POGLUT1: variants seen among roughly 807,000 people sequenced by gnomAD.
POGLUT1 encodes 9630046K23Rik.
In POGLUT1, 32 loss-of-function variants were observed where a neutral mutation model predicts 61.3. The observed-to-expected ratio is 0.52, with a 90% CI of 0.39 to 0.70. The LOEUF is 0.70. POGLUT1 is among the 30% of genes least tolerant of loss of function. The pLI is 0.00. For synonymous variants in POGLUT1, 158 were observed against 158.2 expected (o/e 1.00, Z 0.01); for missense variants, 411 against 469.8 (o/e 0.87, Z 1.16).
At chr3:119,485,849 A>C (rs2081658316) in intron 6 of POGLUT1, among the ~76,000 whole-genome samples, 1 of 152,238 alleles carries the variant, frequency 6.6e-6, no homozygotes, top group African/African-American at 2.4e-5. Context: ...AAAATGAAGA[A>C]GGGAGCAGGG....
chr3:119,491,119 A>C (rs532986188), intron 9 of POGLUT1, among the ~76,000 whole-genome samples: 12 of 150,776 alleles, frequency 8.0e-5, no homozygotes, highest in Middle Eastern at 6.9e-3. Context: ...AGTATAGAGA[A>C]GGGCCAGAGT....
At chr3:119,473,467 A>G (rs879442735) in intron 3 of POGLUT1, among the ~76,000 whole-genome samples, 1 of 152,190 alleles carries the variant, frequency 6.6e-6, no homozygotes, top group Admixed American at 6.5e-5. Context: ...ATTAGCAATA[A>G]AATAATATAT....
chr3:119,487,374 G>A (rs2081677780), intron 7 of POGLUT1, among the ~76,000 whole-genome samples: 1 of 152,100 alleles, frequency 6.6e-6, no homozygotes, highest in Non-Finnish European at 1.5e-5. Flanking sequence ...ATCACTTGAG[G>A]TCAGGAGTTC....
intron 5 of POGLUT1, among the ~76,000 whole-genome samples, chr3:119,482,419 G>A (rs1399631001): frequency 6.6e-6 from 1 of 151,952 alleles, no homozygotes; most frequent in East Asian, 1.9e-4. Context: ...TTAAAAGGCA[G>A]GATCTCACTA....
chr3:119,469,293 C>A, intron 1 of POGLUT1, 187 bp downstream of exon 1: 1 of 600,390 alleles, frequency 1.7e-6, no homozygotes, highest in Non-Finnish European at 3.0e-6. Flanking sequence ...TGCTCTGGAC[C>A]CTGGAGAGTA....
At chr3:119,489,959 T>A (rs746702021) in intron 8 of POGLUT1, 1 of 153,760 alleles carries the variant, frequency 6.5e-6, no homozygotes, top group Non-Finnish European at 1.4e-5. Flanking sequence ...TCCCCCACAC[T>A]ACCCATCCAT....
intron 1 of POGLUT1, among the ~76,000 whole-genome samples, chr3:119,469,481 G>T (rs1283758578): frequency 6.6e-6 from 1 of 152,214 alleles, no homozygotes; most frequent in Non-Finnish European, 1.5e-5. Flanking sequence ...GAGAAGAGGG[G>T]TTTAATGTCT....
intron 8 of POGLUT1, 177 bp from the exon 9 acceptor site, chr3:119,490,374 A>C (rs1014886396): frequency 6.6e-6 from 4 of 608,698 alleles, no homozygotes; most frequent in African/African-American, 5.6e-5. Flanking sequence ...TAGCCCTGGT[A>C]AAGTGGCTGA....
At chr3:119,472,558 A>C (rs1157054961) in intron 3 of POGLUT1, among the ~76,000 whole-genome samples, 1 of 152,106 alleles carries the variant, frequency 6.6e-6, no homozygotes, top group Non-Finnish European at 1.5e-5. Flanking sequence ...CTTTACTAAA[A>C]ATACAAAATT....
intron 2 of POGLUT1, among the ~76,000 whole-genome samples, chr3:119,470,570 C>T (rs1015190942): frequency 2.6e-5 from 4 of 152,000 alleles, no homozygotes; most frequent in African/African-American, 9.7e-5. Flanking sequence ...AGTGAGACTC[C>T]GTCTCAAAAA....
chr3:119,479,580 A>G (rs1040340267), intron 4 of POGLUT1, among the ~76,000 whole-genome samples: 5 of 152,182 alleles, frequency 3.3e-5, no homozygotes, highest in Admixed American at 6.5e-5. Context: ...ATCCAAACCC[A>G]TGTGATCCAC....
intron 5 of POGLUT1, among the ~76,000 whole-genome samples, chr3:119,481,475 C>T (rs1467994677): frequency 1.3e-5 from 2 of 152,118 alleles, no homozygotes; most frequent in African/African-American, 4.8e-5. Context: ...ACCTTGTTTC[C>T]ATAAATACCT....
intron 5 of POGLUT1, among the ~76,000 whole-genome samples, chr3:119,484,430 T>C (rs1300222366): frequency 6.6e-6 from 1 of 152,202 alleles, no homozygotes; most frequent in African/African-American, 2.4e-5. Context: ...TTAAGAATGA[T>C]GCATCTGTGA....
At position 119,492,570 on chromosome 3, in the gene POGLUT1, A is replaced by G. The variant is rs9846409; in HGVS notation, c.*132A>G. On this transcript the variant is annotated 3_prime_UTR_variant, in exon 11 of 11. Transcript: ENST00000295588. ...AGCCAAATACCTGGTTTTCCTTATCATGCTGCACCCAGAGCAACTCTTGAG... is the reference window on the plus strand; with the variant it reads ...AGCCAAATACCTGGTTTTCCTTATCGTGCTGCACCCAGAGCAACTCTTGAG... 7.8e-4 allele frequency: 402 copies of G among 515,320 alleles called. 2 individuals are homozygous for G. Among genetic ancestry groups the G allele is most frequent in the African/African-American group, 6.9e-3 (356 of 51,382 alleles). The allele number at this position is 515,320 out of a possible 1,614,324, so 31.9% of individuals were successfully genotyped here.
chr3:119,477,217 C>G, intron 3 of POGLUT1, 96 bp from the exon 4 acceptor site: 1 of 1,207,076 alleles, frequency 8.3e-7, no homozygotes, highest in Admixed American at 1.8e-5. Flanking sequence ...CACTGGAACA[C>G]TGGCTTGTCT....
At chr3:119,488,161 CTT>C (rs951434677) in intron 7 of POGLUT1, 13 of 152,134 alleles carry the variant, frequency 8.5e-5, no homozygotes, top group Admixed American at 3.9e-4. Context: ...GCTTAAGAAA[CTT>C]TGTTGAATAA....
intron 5 of POGLUT1, among the ~76,000 whole-genome samples, chr3:119,484,955 G>A (rs958409801): frequency 3.3e-5 from 5 of 152,150 alleles, no homozygotes; most frequent in South Asian, 2.1e-4. Context: ...AGTGGCTCAC[G>A]CCTGTAATCC....
intron 4 of POGLUT1, among the ~76,000 whole-genome samples, chr3:119,479,279 A>G (rs945978882): frequency 2.0e-5 from 3 of 152,154 alleles, no homozygotes; most frequent in Non-Finnish European, 4.4e-5. Flanking sequence ...CATTTTGCTC[A>G]TCCATACTTC....
Position 119,494,590 on chromosome 3 carries a change from T to C in POGLUT1, c.*2152T>C, listed in dbSNP as rs2081793059. 6.5e-6 allele frequency: 1 copy of C among 152,686 alleles called. No homozygotes were observed. The highest frequency in any genetic ancestry group is 1.5e-5 in the Non-Finnish European group (1 of 68,044). The allele number at this position is 152,686 out of a possible 1,614,324, so 9.5% of individuals were successfully genotyped here. ...CAACTTTTGAAGGTTTTATTTGTTG[T>C]TGTTATTACTAGTTCAGTCCCAAAC... On this transcript the variant is annotated 3_prime_UTR_variant, in exon 11 of 11. Coordinates refer to ENST00000295588, the MANE Select transcript of POGLUT1 (RefSeq NM_152305.3).
Sources: gnomAD v4.1 joint callset for allele counts (sites outside exome capture counted in the v4.1 genomes callset) on GRCh38, gnomAD v4.1.1 for gene constraint, MANE v1.5 for transcripts, NCBI Gene and HGNC (gene_info 2026-07-23, HGNC 2026-07-21) for gene names.